Variants in PIK3R4 observed in about 807,000 individuals in gnomAD.
The protein encoded by PIK3R4 is phosphoinositide 3-kinase regulatory subunit 4.
A neutral mutation model predicts 136.5 loss-of-function variants in PIK3R4; 46 were observed. That is an observed-to-expected ratio of 0.34 (90% CI 0.27 to 0.43). The LOEUF is 0.43. Ranked by LOEUF, PIK3R4 falls within the 20% of genes least tolerant of loss-of-function variation. The pLI, the probability that PIK3R4 is intolerant of heterozygous loss-of-function variation, is 1.00. For missense variants in PIK3R4, 1,331 were observed against 1,649.5 expected, an observed-to-expected ratio of 0.81 and a Z score of 3.35; for synonymous variants, 557 against 566.7, an observed-to-expected ratio of 0.98 and a Z score of 0.24.
intron 13 of PIK3R4, among the ~76,000 whole-genome samples, chr3:130,703,104 CAACT>C (rs1407157713): frequency 6.6e-6 from 1 of 152,154 alleles, no homozygotes; most frequent in Non-Finnish European, 1.5e-5. Flanking sequence ...ATTCTGTTGA[CAACT>C]AACTCAGATG....
chr3:130,744,978 C>A lies in PIK3R4; in HGVS notation c.241G>T (p.Ala81Ser). The A allele has an allele frequency of 6.2e-7, 1 of 1,614,110 alleles. No homozygotes were observed. Among genetic ancestry groups the A allele is most frequent in the Non-Finnish European group, 8.5e-7 (1 of 1,180,032 alleles). Reference protein sequence around the residue: ...LEELKIRLNSAQNCLPFQKAS... With the variant: ...LEELKIRLNSSQNCLPFQKAS... ...TTCTGGAAAGGTAGACAATTCTGTG[C>A]AGAATTAAGCCTGATTTTCAGTTCC... The change falls in exon 2 of 20, where the codon GCA becomes TCA. Residue 81 changes from alanine (A) to serine (S), a missense_variant. Ala to Ser is a moderately conservative substitution (Grantham distance 99). Transcript: ENST00000356763.
intron 13 of PIK3R4, among the ~76,000 whole-genome samples, chr3:130,694,600 C>G (rs1034031205): frequency 2.0e-5 from 3 of 152,006 alleles, no homozygotes; most frequent in African/African-American, 7.2e-5. Context: ...TAAAGAAATG[C>G]AAGTGATTTT....
At chr3:130,709,749 A>G (rs1393284377) in intron 9 of PIK3R4, among the ~76,000 whole-genome samples, 1 of 152,184 alleles carries the variant, frequency 6.6e-6, no homozygotes, top group Non-Finnish European at 1.5e-5. Flanking sequence ...TAAAAACATT[A>G]AGATCAGTGA....
intron 2 of PIK3R4, among the ~76,000 whole-genome samples, chr3:130,739,366 G>A (rs200381739): frequency 1.7e-3 from 252 of 151,038 alleles, no homozygotes; most frequent in African/African-American, 5.7e-3. Context: ...GTGAGCGACC[G>A]CGCTGGCCTT....
At chr3:130,726,920 A>G (rs1308287497) in intron 6 of PIK3R4, among the ~76,000 whole-genome samples, 1 of 152,122 alleles carries the variant, frequency 6.6e-6, no homozygotes, top group Non-Finnish European at 1.5e-5. Flanking sequence ...ATCAAAGAAT[A>G]CTGTATTCAG....
At chr3:130,691,941 C>A (rs2066522177) in intron 13 of PIK3R4, among the ~76,000 whole-genome samples, 1 of 136,098 alleles carries the variant, frequency 7.3e-6, no homozygotes, top group South Asian at 2.5e-4. Context: ...GTGGTGCGAT[C>A]TGGGCTCACC....
chr3:130,741,918 C>T (rs932368868), intron 2 of PIK3R4, among the ~76,000 whole-genome samples: 3 of 152,268 alleles, frequency 2.0e-5, no homozygotes, highest in Middle Eastern at 3.4e-3. Context: ...AAGTCCTCAA[C>T]GGTATCGATG....
Position 130,679,484 on chromosome 3 carries a change from T to C in PIK3R4, c.3908A>G (p.Glu1303Gly). 1 of 1,607,618 alleles carries C rather than the reference T, an allele frequency of 6.2e-7. No individual in the cohort carries two copies. Among genetic ancestry groups the C allele is most frequent in the Non-Finnish European group, 8.5e-7 (1 of 1,175,600 alleles). Residue 1303 changes from glutamate (E) to glycine (G), a missense_variant and splice_region_variant, in exon 20 of 20, where the codon GAA becomes GGA. Physicochemically the swap from Glu to Gly is moderately conservative, Grantham distance 98. This residue lies in a region of PIK3R4 where 1,180 missense variants were observed against 1,407.0 expected (regional missense o/e 0.84). Coordinates refer to ENST00000356763, the MANE Select transcript of PIK3R4 (RefSeq NM_014602.3). The stretch of plus-strand genomic sequence containing the variant: ...TCCTACTTTCTGCTTATTCTGAATT[T>C]CCTGTTTGGTGATTAAAAGGGAGCA... ...KIIEGTEVVQ[E>G]IQNKQKVGPS...
rs370694100 is a variant in PIK3R4 at position 130,728,702 on chromosome 3, A to AG, written c.1586-19dup. ...TTGGAGCTCTAAAAAAAAAAAAAAA[A>AG]GAAAGAAAGAAAGAAAGAAAAGAAA... On this transcript the variant is annotated intron_variant, in intron 5 of 19. Transcript: ENST00000356763. The AG allele has an allele frequency of 2.9e-5, 37 of 1,283,576 alleles. No individual in the cohort carries two copies. The African/African-American group carries it at 5.4e-4, about 19-fold the overall frequency. 79.5% of individuals were successfully genotyped at this position (1,283,576 alleles called of 1,614,324 possible).
In PIK3R4 at chr3:130,703,775, T is replaced by C; in HGVS notation, c.3046A>G (p.Thr1016Ala). ...TTTTGACTGTTCCAGATTTTCACTGTGCCATCATTTGAACATGTTGCAAAA... is the reference window on the plus strand; with the variant it reads ...TTTTGACTGTTCCAGATTTTCACTGCGCCATCATTTGAACATGTTGCAAAA... Reference protein sequence around the residue: ...SLFATCSNDGTVKIWNSQKME... With the variant: ...SLFATCSNDGAVKIWNSQKME... Residue 1016 changes from threonine to alanine, a missense_variant, in exon 13 of 20, where the codon ACA (threonine) becomes GCA (alanine). This residue lies in a region of PIK3R4 where 1,180 missense variants were observed against 1,407.0 expected (regional missense o/e 0.84). Coordinates refer to ENST00000356763, the MANE Select transcript of PIK3R4 (RefSeq NM_014602.3). 6.2e-7 allele frequency: 1 copy of C among 1,613,518 alleles called. No individual in the cohort carries two copies. Among genetic ancestry groups the C allele is most frequent in the East Asian group, 2.2e-5 (1 of 44,880 alleles).
At chr3:130,712,288 TA>T (rs527837347) in intron 9 of PIK3R4, among the ~76,000 whole-genome samples, 1,991 of 145,740 alleles carry the variant, frequency 0.014, 21 homozygotes, top group Middle Eastern at 0.043. Context: ...AACTCTAAGC[TA>T]AAAAAAAAAA....
At chr3:130,679,640 G>C (rs971412663) in intron 19 of PIK3R4, among the ~76,000 whole-genome samples, 155 bp from the exon 20 acceptor site, 29 of 152,178 alleles carry the variant, frequency 1.9e-4, no homozygotes, top group African/African-American at 7.0e-4. Context: ...AAAAGGAGTA[G>C]AGGAGCCAAA....
intron 9 of PIK3R4, among the ~76,000 whole-genome samples, chr3:130,711,433 T>G (rs1418498117): frequency 6.6e-6 from 1 of 152,290 alleles, no homozygotes; most frequent in Admixed American, 6.5e-5. Context: ...TTACAAAGGC[T>G]AACTCTGTGG....
Position 130,679,493 on chromosome 3 carries a change from G to GTGAT in PIK3R4, c.3907-12_3907-9dup, listed in dbSNP as rs767497266. The GTGAT allele has an allele frequency of 1.2e-6, 2 of 1,604,656 alleles. No individual in the cohort carries two copies. Among genetic ancestry groups the GTGAT allele is most frequent in the East Asian group, 2.2e-5 (1 of 44,622 alleles). ...CTGCTTATTCTGAATTTCCTGTTTG[G>GTGAT]TGATTAAAAGGGAGCAAGCCAGAGG... On this transcript the variant is annotated splice_polypyrimidine_tract_variant and intron_variant, in intron 19 of 19. Coordinates refer to ENST00000356763, the MANE Select transcript of PIK3R4 (RefSeq NM_014602.3).
At chr3:130,719,606 G>A (rs1559827010) in intron 7 of PIK3R4, among the ~76,000 whole-genome samples, 1 of 152,022 alleles carries the variant, frequency 6.6e-6, no homozygotes, top group Non-Finnish European at 1.5e-5. Context: ...GTGATAAGAG[G>A]GAAAATGAGG....
rs558489501 is a variant in PIK3R4, at chr3:130,710,893, C to G, written c.2332-2401G>C. Reference sequence around the variant, plus strand: ...AATTTTTATTGCATAAAGTGACAAGCTGACTTGAAAAAAATCACTTGGAAA... The same window carrying G: ...AATTTTTATTGCATAAAGTGACAAGGTGACTTGAAAAAAATCACTTGGAAA... On this transcript the variant is annotated intron_variant, in intron 9 of 19. Coordinates refer to ENST00000356763, the MANE Select transcript of PIK3R4 (RefSeq NM_014602.3). Among the ~76,000 whole-genome samples, 309 of 150,274 alleles carry G rather than the reference C, an allele frequency of 2.1e-3. 8 individuals carry two copies. Among genetic ancestry groups the G allele is most frequent in the Non-Finnish European group, 2.6e-3 (179 of 67,714 alleles).
Position 130,703,732 on chromosome 3 carries a change from G to A in PIK3R4, c.3089C>T (p.Thr1030Ile), listed in dbSNP as rs769676078. The change falls in exon 13 of 20, where the codon ACC (threonine) becomes ATC (isoleucine). Residue 1030 changes from threonine to isoleucine, a missense_variant. Transcript: ENST00000356763. ...CCTGAGCATATGGTACCTGGTAGTG[G>A]TGGTCTTCCCCTCCATCTTTTGACT... ...WNSQKMEGKT[T>I]TTRSILTYSR... 2 of 1,610,636 alleles carry A rather than the reference G, an allele frequency of 1.2e-6. No individual in the cohort carries two copies. The highest frequency in any genetic ancestry group is 1.1e-5 in the South Asian group (1 of 90,924).
rs1559824140 is a variant in PIK3R4, at chr3:130,707,037, CTT to C, written c.2630_2631del (p.Lys877ArgfsTer3). On this transcript the variant is annotated frameshift_variant, in exon 11 of 20. Transcript: ENST00000356763. LOFTEE classifies it high-confidence loss of function. ...GTCTGAATCACCTCCTGATCACTCC[CTT>C]TAGGTAGGGCCTGTGGCATGTTTGG... Reference protein sequence around the residue: ...DPPNMPQALPKGSDQEVIQTG... With the variant: ...DPPNMPQALPXGSDQEVIQTG... 2 of 1,613,038 alleles carry C rather than the reference CTT, an allele frequency of 1.2e-6. No individual in the cohort carries two copies. Among genetic ancestry groups the C allele is most frequent in the Non-Finnish European group, 1.7e-6 (2 of 1,179,542 alleles).
intron 13 of PIK3R4, among the ~76,000 whole-genome samples, chr3:130,696,519 CAT>C (rs1419812439): frequency 1.3e-5 from 2 of 152,084 alleles, no homozygotes; most frequent in Admixed American, 6.5e-5. Flanking sequence ...GGTATTTAGC[CAT>C]ATGTTGTTTA....
Sources: allele counts gnomAD v4.1 joint callset (sites outside exome capture counted in the v4.1 genomes callset), GRCh38; gene constraint gnomAD v4.1.1; regional missense constraint gnomAD v4.1.1; transcripts MANE v1.5; gene names NCBI Gene and HGNC (gene_info 2026-07-23, HGNC 2026-07-21).